The following ZNF385D variants were observed in gnomAD, a reference collection of about 807,000 sequenced individuals.
The protein encoded by ZNF385D is zinc finger protein 659.
In ZNF385D, 15 loss-of-function variants were observed where a neutral mutation model predicts 35.8. The observed-to-expected ratio is 0.42, with a 90% CI of 0.28 to 0.64. ZNF385D has a LOEUF of 0.64. Ranked by LOEUF, ZNF385D falls within the 30% of genes least tolerant of loss-of-function variation. The pLI is 0.23. For missense variants in ZNF385D, 474 were observed against 494.6 expected (o/e 0.96, Z 0.39); for synonymous variants, 212 against 186.8 (o/e 1.13, Z -1.10).
rs61708178 is a variant in ZNF385D, at chr3:22,111,152, A to ATTTTTTTTTT, written c.325+57655_325+57664dup. On this transcript the variant is annotated intron_variant, in intron 3 of 5. Coordinates refer to the ZNF385D transcript ENST00000494108. ...GTAACATATTGAGGCTCCATGTTGG[A>ATTTTTTTTTT]TTTTTTTTTTTTTTTTTTTTTTTTG... is the stretch of plus-strand genomic sequence containing the variant. 1.7e-4 allele frequency among the ~76,000 whole-genome samples: 12 copies of ATTTTTTTTTT among 68,972 alleles called. No individual in the cohort carries two copies. The East Asian group carries it at 1.8e-3, about 11-fold the overall frequency. 45.2% of individuals were successfully genotyped at this position (68,972 alleles called of 152,430 possible). A position where few individuals can be genotyped will look rare whatever the true frequency, so the allele number is the denominator to read the frequency against.
intron 3 of ZNF385D, among the ~76,000 whole-genome samples, chr3:21,865,117 T>C (rs1019070282): frequency 7.0e-6 from 1 of 143,364 alleles, no homozygotes; most frequent in Non-Finnish European, 1.5e-5. Context: ...TACTTTCATG[T>C]GGTATAATTT....
At position 21,864,003 on chromosome 3, in the gene ZNF385D, G is replaced by A. The variant is rs373850894; in HGVS notation, c.326-198975C>T. Among the ~76,000 whole-genome samples, 16 of 152,216 alleles carry A rather than the reference G, an allele frequency of 1.1e-4. No individual in the cohort carries two copies. In the South Asian group the frequency reaches 1.4e-3, roughly 14 times the overall value. ...GCTTTCAGATGATACTCATGATGCC[G>A]GTTCATGGATTATACGTTGTGTAAC... On this transcript the variant is annotated intron_variant, in intron 3 of 5. Coordinates refer to the ZNF385D transcript ENST00000494108.
chr3:22,176,409 T>C (rs1427627656), intron 2 of ZNF385D, among the ~76,000 whole-genome samples: 3 of 152,198 alleles, frequency 2.0e-5, no homozygotes, highest in Admixed American at 2.0e-4. Context: ...AATGAGAACA[T>C]TTTAATTAGG....
chr3:22,168,393 AC>A (rs1416394761), intron 3 of ZNF385D: 1 of 152,202 alleles, frequency 6.6e-6, no homozygotes, highest in Non-Finnish European at 1.5e-5. Context: ...TGATTAAAAC[AC>A]CTATTTGAAA....
chr3:22,255,253 G>A (rs1700256280), intron 2 of ZNF385D, among the ~76,000 whole-genome samples: 1 of 140,090 alleles, frequency 7.1e-6, no homozygotes, highest in African/African-American at 2.9e-5. Context: ...TGTTGACACT[G>A]ATTTTGTTAT....
At chr3:21,894,974 G>A (rs917026719) in intron 3 of ZNF385D, among the ~76,000 whole-genome samples, 1 of 151,980 alleles carries the variant, frequency 6.6e-6, no homozygotes. Context: ...AACACAGAGA[G>A]GTGAGCACAA....
intron 3 of ZNF385D, among the ~76,000 whole-genome samples, chr3:21,873,618 T>C (rs1460096761): frequency 6.6e-6 from 1 of 152,122 alleles, no homozygotes; most frequent in Non-Finnish European, 1.5e-5. Context: ...TGTATACCTA[T>C]TGAACAGAAA....
At chr3:22,265,182 A>G (rs1267010712) in intron 2 of ZNF385D, among the ~76,000 whole-genome samples, 2 of 151,998 alleles carry the variant, frequency 1.3e-5, no homozygotes, top group Admixed American at 1.3e-4. Flanking sequence ...TGGTAAATGC[A>G]TCAGAAAGAT....
At chr3:22,330,137 A>G (rs1382617327) in intron 2 of ZNF385D, among the ~76,000 whole-genome samples, 1 of 152,178 alleles carries the variant, frequency 6.6e-6, no homozygotes, top group South Asian at 2.1e-4. Context: ...CGATGAGTAC[A>G]TATTTTATTC....
intron 3 of ZNF385D, among the ~76,000 whole-genome samples, chr3:21,513,063 G>C (rs1575083069): frequency 6.6e-6 from 1 of 151,950 alleles, no homozygotes; most frequent in South Asian, 2.1e-4. Flanking sequence ...CATTTCATAG[G>C]TTCCTAACAA....
chr3:21,429,243 A>G (rs1160969435), intron 5 of ZNF385D, among the ~76,000 whole-genome samples: 1 of 151,992 alleles, frequency 6.6e-6, no homozygotes, highest in African/African-American at 2.4e-5. Flanking sequence ...CACCAACTAG[A>G]GGTATATAAA....
At chr3:22,281,736 T>A in intron 2 of ZNF385D, among the ~76,000 whole-genome samples, 1 of 152,024 alleles carries the variant, frequency 6.6e-6, no homozygotes, top group East Asian at 1.9e-4. Flanking sequence ...GTTTTGGTGT[T>A]AGGATAATAC....
At chr3:21,751,311 T>G (rs1365453641), upstream of ZNF385D, 1 of 1,060,066 alleles carries the variant, frequency 9.4e-7, no homozygotes, top group East Asian at 9.1e-5. Context: ...CAACCATGGC[T>G]CTCGGGAAGC....
intron 3 of ZNF385D, among the ~76,000 whole-genome samples, chr3:21,779,161 A>C (rs1464421968): frequency 6.6e-6 from 1 of 151,978 alleles, no homozygotes; most frequent in African/African-American, 2.4e-5. Context: ...TTACTTTCTC[A>C]GCTCCAAAGA....
chr3:21,762,936 C>T (rs9822858), intron 3 of ZNF385D, among the ~76,000 whole-genome samples: 47,927 of 152,038 alleles, frequency 0.32, 7,758 homozygotes, highest in Middle Eastern at 0.45. Context: ...CTCCCTTCCA[C>T]AGTGCTGACC....
chr3:21,783,004 A>G (rs2071550586), intron 3 of ZNF385D, among the ~76,000 whole-genome samples: 1 of 152,090 alleles, frequency 6.6e-6, no homozygotes, highest in Non-Finnish European at 1.5e-5. Flanking sequence ...CTCGATTGCA[A>G]TTTCTACTTA....
chr3:21,442,466 A>G (rs1701910048), intron 4 of ZNF385D, among the ~76,000 whole-genome samples: 1 of 152,204 alleles, frequency 6.6e-6, no homozygotes, highest in Admixed American at 6.5e-5. Flanking sequence ...GACATTCTGA[A>G]GTAGAAAAAG....
At chr3:22,297,884 T>A (rs9821709) in intron 2 of ZNF385D, among the ~76,000 whole-genome samples, 12,450 of 152,072 alleles carry the variant, frequency 0.082, 1,314 homozygotes, top group African/African-American at 0.25. Flanking sequence ...CGTATTTTCA[T>A]CCAATATTTA....
intron 2 of ZNF385D, among the ~76,000 whole-genome samples, chr3:22,350,441 T>A (rs1334799466): frequency 6.6e-6 from 1 of 152,120 alleles, no homozygotes; most frequent in Non-Finnish European, 1.5e-5. Context: ...ATAAAATATA[T>A]TGCCCTATTA....
Sources: gnomAD v4.1 joint callset for allele counts (sites outside exome capture counted in the v4.1 genomes callset) on GRCh38, gnomAD v4.1.1 for gene constraint, MANE v1.5 for transcripts, NCBI Gene and HGNC (gene_info 2026-07-23, HGNC 2026-07-21) for gene names.